The following COL13A1 variants were observed in gnomAD, a reference collection of about 807,000 sequenced individuals.
The protein encoded by COL13A1 is collagen alpha-1(XIII) chain.
A neutral mutation model predicts 130.9 loss-of-function variants in COL13A1; 89 were observed. The observed-to-expected ratio is 0.68, with a 90% confidence interval of 0.57 to 0.81. The LOEUF is 0.81. Among genes scored for constraint, COL13A1 ranks in the 30% least tolerant of loss-of-function variants. The pLI, the probability that COL13A1 is intolerant of heterozygous loss-of-function variation, is 0.00. For missense variants in COL13A1, 879 were observed against 934.6 expected, an observed-to-expected ratio of 0.94 and a Z score of 0.78; for synonymous variants, 402 against 341.6, an observed-to-expected ratio of 1.18 and a Z score of -1.95.
chr10:69,805,170 T>C (rs1030020239), intron 1 of COL13A1, among the ~76,000 whole-genome samples: 2 of 152,034 alleles, frequency 1.3e-5, no homozygotes, highest in Non-Finnish European at 2.9e-5. Flanking sequence ...TAGAGAAAGT[T>C]AGATCTAAAT....
intron 1 of COL13A1, among the ~76,000 whole-genome samples, chr10:69,811,291 T>C (rs1842984973): frequency 6.6e-6 from 1 of 152,132 alleles, no homozygotes; most frequent in African/African-American, 2.4e-5. Context: ...CTAAAGGCTG[T>C]TGTGGGTCCT....
At chr10:69,890,369 C>T (rs957466120) in intron 10 of COL13A1, among the ~76,000 whole-genome samples, 17 of 152,338 alleles carry the variant, frequency 1.1e-4, no homozygotes, top group African/African-American at 3.8e-4. Context: ...AACAGACAGA[C>T]AAACAAAACA....
chr10:69,928,934 T>C lies in COL13A1; in HGVS notation c.1423-3T>C, dbSNP rs1273067753. ...TTCCATGTGTCTTTCCTTTCTCTCC[T>C]AGGGGCCTCCTGGTCTTCCTGGGCA... On this transcript the variant is annotated splice_polypyrimidine_tract_variant and splice_region_variant and intron_variant, in intron 27 of 40. Transcript: ENST00000645393. 1 of 1,612,288 alleles carries C rather than the reference T, an allele frequency of 6.2e-7. No individual in the cohort carries two copies. Among genetic ancestry groups the C allele is most frequent in the Non-Finnish European group, 8.5e-7 (1 of 1,178,736 alleles).
chr10:69,823,022 C>G (rs1034495731), intron 2 of COL13A1, among the ~76,000 whole-genome samples: 1 of 152,228 alleles, frequency 6.6e-6, no homozygotes, highest in Non-Finnish European at 1.5e-5. Context: ...GTGAACTGGT[C>G]TAATCTAGAA....
chr10:69,841,394 T>G (rs12259054), intron 2 of COL13A1, among the ~76,000 whole-genome samples: 4 of 152,012 alleles, frequency 2.6e-5, no homozygotes, highest in African/African-American at 7.3e-5. Flanking sequence ...CTGTCTCCCC[T>G]CTGGACAGTT....
chr10:69,876,991 C>T (rs540006556), intron 5 of COL13A1, among the ~76,000 whole-genome samples: 1 of 152,284 alleles, frequency 6.6e-6, no homozygotes, highest in East Asian at 1.9e-4. Flanking sequence ...AGGAAGTGTC[C>T]ACACTTCCCT....
intron 28 of COL13A1, 57 bp from the exon 29 acceptor site, chr10:69,929,986 A>G: frequency 6.6e-7 from 1 of 1,511,010 alleles, no homozygotes. Flanking sequence ...GCAATGCGTA[A>G]CTGATGGCTG....
At chr10:69,888,411 G>A in intron 9 of COL13A1, 81 bp downstream of exon 9, 4 of 1,545,720 alleles carry the variant, frequency 2.6e-6, no homozygotes, top group South Asian at 1.2e-5. Flanking sequence ...TTGAATCCTT[G>A]GAAAATGCTT....
chr10:69,863,664 G>C (rs1049659993), intron 2 of COL13A1, among the ~76,000 whole-genome samples: 2 of 152,136 alleles, frequency 1.3e-5, no homozygotes, highest in African/African-American at 4.8e-5. Flanking sequence ...AGGGGCTGAG[G>C]GCCCAGCCGC....
At chr10:69,822,952 G>A (rs190614813) in intron 2 of COL13A1, among the ~76,000 whole-genome samples, 287 of 152,350 alleles carry the variant, frequency 1.9e-3, no homozygotes, top group African/African-American at 6.2e-3. Context: ...ACACACACAT[G>A]CTTACATGCA....
chr10:69,945,460 C>G (rs1464952447), intron 36 of COL13A1, among the ~76,000 whole-genome samples: 1 of 152,204 alleles, frequency 6.6e-6, no homozygotes, highest in Non-Finnish European at 1.5e-5. Context: ...GGGATAGGCT[C>G]TGCTGGAGGG....
intron 2 of COL13A1, among the ~76,000 whole-genome samples, chr10:69,828,080 C>T (rs1332921714): frequency 5.9e-5 from 9 of 152,190 alleles, no homozygotes; most frequent in African/African-American, 1.4e-4. Context: ...AGCTCCAAAA[C>T]CCTGCTTTAC....
intron 38 of COL13A1, among the ~76,000 whole-genome samples, chr10:69,952,257 A>G (rs2069688879): frequency 6.6e-6 from 1 of 152,238 alleles, no homozygotes; most frequent in African/African-American, 2.4e-5. Flanking sequence ...TAATAAAGGC[A>G]CACACATGTG....
intron 2 of COL13A1, among the ~76,000 whole-genome samples, chr10:69,844,557 G>A (rs1485833944): frequency 6.6e-6 from 1 of 152,150 alleles, no homozygotes; most frequent in African/African-American, 2.4e-5. Context: ...GCCATTGTAA[G>A]GATTAAAAGA....
At chr10:69,947,410 C>A in intron 38 of COL13A1, 68 bp downstream of exon 38, 1 of 1,423,576 alleles carries the variant, frequency 7.0e-7, no homozygotes, top group Non-Finnish European at 9.7e-7. Context: ...AATGATCGAT[C>A]GGTGATTCCT....
intron 6 of COL13A1, among the ~76,000 whole-genome samples, chr10:69,880,272 C>T (rs984091072): frequency 5.3e-5 from 8 of 152,076 alleles, no homozygotes; most frequent in African/African-American, 9.7e-5. Context: ...ACTACCTGCC[C>T]TTCCCAACCC....
chr10:69,859,446 C>T (rs764596832), intron 2 of COL13A1, among the ~76,000 whole-genome samples: 24 of 152,232 alleles, frequency 1.6e-4, no homozygotes, highest in Non-Finnish European at 2.8e-4. Context: ...CTTCCCCAGC[C>T]CCTCTTCTCT....
At position 69,880,510 on chromosome 10, in the gene COL13A1, C is replaced by CCGGAGA; in HGVS notation, c.473_478dup (p.Gly158_Asp159dup). On this transcript the variant is annotated inframe_insertion, in exon 7 of 41. Coordinates refer to ENST00000645393, the MANE Select transcript of COL13A1 (RefSeq NM_001368882.1). ...CTTCCTCTCTCCCCGCAGGGGTCCC[C>CCGGAGA]CGGAGACGCTGGGCTGTCCATCATT... is the stretch of plus-strand genomic sequence containing the variant. The CCGGAGA allele has an allele frequency of 6.2e-7, 1 of 1,612,340 alleles. No individual in the cohort carries two copies. The highest frequency in any genetic ancestry group is 8.5e-7 in the Non-Finnish European group (1 of 1,178,556).
intron 37 of COL13A1, among the ~76,000 whole-genome samples, chr10:69,946,303 C>T (rs1432455426): frequency 2.8e-4 from 42 of 152,190 alleles, no homozygotes; most frequent in Admixed American, 2.7e-3. Flanking sequence ...GCAGCCTGCC[C>T]TCAGCAATGT....
Sources: gnomAD v4.1 joint callset for allele counts (sites outside exome capture counted in the v4.1 genomes callset) on GRCh38, gnomAD v4.1.1 for gene constraint, MANE v1.5 for transcripts, NCBI Gene and HGNC (gene_info 2026-07-23, HGNC 2026-07-21) for gene names.